AK5: variants seen among roughly 807,000 people sequenced by gnomAD.
The protein encoded by AK5 is adenylate kinase 5.
A neutral mutation model predicts 69.5 loss-of-function variants in AK5; 27 were observed. The ratio of observed to expected loss-of-function variants is 0.39; its 90% CI spans 0.29 to 0.54. The LOEUF is 0.54. Among genes scored for constraint, AK5 ranks in the 20% least tolerant of loss-of-function variants. The pLI is 0.71. For synonymous variants in AK5, 260 were observed against 244.4 expected (o/e 1.06, Z -0.60); for missense variants, 531 against 700.4 (o/e 0.76, Z 2.73).
At chr1:77,333,749 A>C (rs1375439250) in intron 5 of AK5, among the ~76,000 whole-genome samples, 1 of 152,236 alleles carries the variant, frequency 6.6e-6, no homozygotes, top group Non-Finnish European at 1.5e-5. Flanking sequence ...ATGGCCGGCA[A>C]AGCCTGAAAT....
intron 6 of AK5, among the ~76,000 whole-genome samples, chr1:77,382,164 T>C (rs1450871057): frequency 6.6e-6 from 1 of 152,128 alleles, no homozygotes; most frequent in Admixed American, 6.5e-5. Flanking sequence ...TTTCAATCGT[T>C]TTCCCATAAA....
chr1:77,414,943 A>C (rs1650301304), intron 7 of AK5, among the ~76,000 whole-genome samples: 1 of 152,198 alleles, frequency 6.6e-6, no homozygotes, highest in African/African-American at 2.4e-5. Flanking sequence ...AAAGCCATTC[A>C]ATCATTATCC....
intron 6 of AK5, among the ~76,000 whole-genome samples, chr1:77,409,119 T>C (rs1649861318): frequency 6.6e-6 from 1 of 152,266 alleles, no homozygotes; most frequent in South Asian, 2.1e-4. Context: ...CTGCATAGTA[T>C]TCCATGGTAT....
At chr1:77,551,328 A>G (rs1659813262) in intron 13 of AK5, among the ~76,000 whole-genome samples, 1 of 152,154 alleles carries the variant, frequency 6.6e-6, no homozygotes. Context: ...GATCCCAGAT[A>G]ACTTCACAGA....
At position 77,558,707 on chromosome 1, in the gene AK5, A is replaced by AAAC. The variant is rs751457874; in HGVS notation, c.*39_*41dup. 4 of 1,402,218 alleles carry AAAC rather than the reference A, an allele frequency of 2.9e-6. No homozygotes were observed. In the East Asian group the frequency reaches 9.1e-5, roughly 32 times the overall value. 86.9% of individuals were successfully genotyped at this position (1,402,218 alleles called of 1,614,324 possible). A position where few individuals can be genotyped will look rare whatever the true frequency, so the allele number is the denominator to read the frequency against. On this transcript the variant is annotated 3_prime_UTR_variant, in exon 14 of 14. Coordinates refer to ENST00000354567, the MANE Select transcript of AK5 (RefSeq NM_174858.3). ...CATGTTTGTTAGAATGGAAACAGAA[A>AAAC]AACATTAAAAAGTTCATTCCTTAAC...
At chr1:77,320,797 G>T (rs1181869906) in intron 5 of AK5, among the ~76,000 whole-genome samples, 1 of 152,156 alleles carries the variant, frequency 6.6e-6, no homozygotes, top group Non-Finnish European at 1.5e-5. Context: ...AAGCTGGAGT[G>T]ATGTTACTGA....
At chr1:77,440,715 T>C (rs546965507) in intron 8 of AK5, among the ~76,000 whole-genome samples, 9 of 152,042 alleles carry the variant, frequency 5.9e-5, no homozygotes, top group Non-Finnish European at 1.0e-4. Context: ...GTATAATTTA[T>C]AATGGCCTAT....
Position 77,475,471 on chromosome 1 carries a change from ATGT to A in AK5, c.1060-7845_1060-7843del, listed in dbSNP as rs1557619865. ...ATATATATACAAATATATATTATAT[ATGT>A]ATATATATTATATATATACAAATAT... is the stretch of plus-strand genomic sequence containing the variant. On this transcript the variant is annotated intron_variant, in intron 8 of 13. Coordinates refer to ENST00000354567, the MANE Select transcript of AK5 (RefSeq NM_174858.3). 8.0e-5 allele frequency among the ~76,000 whole-genome samples: 2 copies of A among 25,134 alleles called. 1 individual carries two copies. Among genetic ancestry groups the A allele is most frequent in the South Asian group, 3.5e-3 (2 of 574 alleles). 16.5% of individuals were successfully genotyped at this position (25,134 alleles called of 152,430 possible).
At chr1:77,455,253 G>A (rs1446789873) in intron 8 of AK5, among the ~76,000 whole-genome samples, 1 of 152,174 alleles carries the variant, frequency 6.6e-6, no homozygotes, top group Non-Finnish European at 1.5e-5. Context: ...CAATTCACCT[G>A]TTGAAACCTA....
intron 6 of AK5, among the ~76,000 whole-genome samples, chr1:77,392,374 C>T (rs770962362): frequency 6.6e-6 from 1 of 152,134 alleles, no homozygotes; most frequent in Non-Finnish European, 1.5e-5. Flanking sequence ...TTGTTCTGTG[C>T]TGTATATGAG....
At chr1:77,417,286 A>T (rs778154411) in intron 7 of AK5, among the ~76,000 whole-genome samples, 1 of 152,058 alleles carries the variant, frequency 6.6e-6, no homozygotes, top group Non-Finnish European at 1.5e-5. Context: ...CACCCTCAAA[A>T]TTCAGGATCA....
chr1:77,381,283 A>T (rs1647617303), intron 6 of AK5, among the ~76,000 whole-genome samples: 2 of 152,146 alleles, frequency 1.3e-5, no homozygotes, highest in African/African-American at 2.4e-5. Flanking sequence ...GAGGGCCCTC[A>T]CCAGACACTG....
At chr1:77,429,322 T>C (rs966958767) in intron 8 of AK5, among the ~76,000 whole-genome samples, 1 of 152,250 alleles carries the variant, frequency 6.6e-6, no homozygotes, top group African/African-American at 2.4e-5. Flanking sequence ...TATCTCATTG[T>C]GGTTTTGATT....
chr1:77,548,660 A>T (rs79898767), intron 13 of AK5, among the ~76,000 whole-genome samples: 4,218 of 152,302 alleles, frequency 0.028, 98 homozygotes, highest in African/African-American at 0.059. Context: ...GGAAAAACAC[A>T]ACTAGACATA....
chr1:77,301,684 C>T (rs1659349756), intron 5 of AK5, among the ~76,000 whole-genome samples: 1 of 152,238 alleles, frequency 6.6e-6, no homozygotes, highest in African/African-American at 2.4e-5. Context: ...TTCTCATACT[C>T]AGCCACCTGG....
intron 8 of AK5, among the ~76,000 whole-genome samples, chr1:77,454,671 T>C (rs952947896): frequency 6.6e-6 from 1 of 152,258 alleles, no homozygotes; most frequent in Admixed American, 6.5e-5. Flanking sequence ...CAAAGTCAAG[T>C]TGAATATATA....
intron 5 of AK5, among the ~76,000 whole-genome samples, chr1:77,339,978 C>T (rs1180796975): frequency 6.6e-6 from 1 of 152,142 alleles, no homozygotes; most frequent in Non-Finnish European, 1.5e-5. Flanking sequence ...TTTTAAATGG[C>T]ACCAAATAGT....
intron 8 of AK5, among the ~76,000 whole-genome samples, chr1:77,470,010 C>T (rs1253303697): frequency 1.3e-5 from 2 of 152,218 alleles, no homozygotes; most frequent in African/African-American, 2.4e-5. Flanking sequence ...CAGGAAAGGA[C>T]AAACATCGGA....
rs908613898 is a variant in AK5 at position 77,425,586 on chromosome 1, C to CA, written c.1059+7879dup. Among the ~76,000 whole-genome samples the CA allele has an allele frequency of 2.6e-4, 39 of 149,980 alleles. 3 individuals are homozygous for CA. The East Asian group carries it at 6.2e-3, about 24-fold the overall frequency. On this transcript the variant is annotated intron_variant, in intron 8 of 13. Coordinates refer to ENST00000354567, the MANE Select transcript of AK5 (RefSeq NM_174858.3). The stretch of plus-strand genomic sequence containing the variant: ...TGGGTGATAGAGCAAGACTCTGTCT[C>CA]AAAAAAAAGAAAAGAAAAGAAAAAT...
Sources: allele counts gnomAD v4.1 joint callset (sites outside exome capture counted in the v4.1 genomes callset), GRCh38; gene constraint gnomAD v4.1.1; transcripts MANE v1.5; gene names NCBI Gene and HGNC (gene_info 2026-07-23, HGNC 2026-07-21).